Variants in FAM171A1 observed in about 807,000 individuals in gnomAD.
FAM171A1 encodes family with sequence similarity 171 member A1.
In FAM171A1, 23 loss-of-function variants were observed where a neutral mutation model predicts 74.9. That is an observed-to-expected ratio of 0.31 (90% CI 0.22 to 0.44). The LOEUF is 0.44. Among genes scored for constraint, FAM171A1 ranks in the 20% least tolerant of loss-of-function variants. The probability of loss-of-function intolerance (pLI) is 1.00; values close to 1 mark genes in which losing one functional copy is unlikely to be tolerated. For synonymous variants in FAM171A1, 527 were observed against 505.7 expected (o/e 1.04, Z -0.57); for missense variants, 1,162 against 1,159.2 (o/e 1.00, Z -0.03).
At chr10:15,276,982 T>A (rs1427633724) in intron 2 of FAM171A1, among the ~76,000 whole-genome samples, 1 of 152,184 alleles carries the variant, frequency 6.6e-6, no homozygotes, top group Non-Finnish European at 1.5e-5. Flanking sequence ...CCACTGCACC[T>A]AGCCAAGTTA....
At chr10:15,238,432 C>G (rs996195996) in intron 5 of FAM171A1, among the ~76,000 whole-genome samples, 1 of 152,126 alleles carries the variant, frequency 6.6e-6, no homozygotes, top group Non-Finnish European at 1.5e-5. Flanking sequence ...ACCCAAAGCT[C>G]ATCATTTCCA....
rs1834552988 is a variant in FAM171A1 at position 15,254,659 on chromosome 10, A to G, written c.577+62T>C. On this transcript the variant is annotated intron_variant, in intron 4 of 7. Transcript: ENST00000378116. Reference sequence around the variant, plus strand: ...TGCTAAAACTCCCAATCATACCTAAAATCCACATGTAAAGACTAAAACACA... The same window carrying G: ...TGCTAAAACTCCCAATCATACCTAAGATCCACATGTAAAGACTAAAACACA... 8 of 1,560,864 alleles carry G rather than the reference A, an allele frequency of 5.1e-6. No homozygotes were observed. In the Admixed American group the frequency reaches 7.3e-5, roughly 14 times the overall value.
intron 1 of FAM171A1, among the ~76,000 whole-genome samples, chr10:15,317,047 G>GAA (rs749421796): frequency 7.9e-6 from 1 of 127,230 alleles, no homozygotes. Flanking sequence ...TCCTCTGGGA[G>GAA]AAAAAAAAAA....
intron 3 of FAM171A1, among the ~76,000 whole-genome samples, chr10:15,265,707 G>A (rs1301359679): frequency 2.0e-5 from 3 of 150,090 alleles, no homozygotes; most frequent in Non-Finnish European, 3.0e-5. Flanking sequence ...ATTACTCATT[G>A]GGTGTCTACC....
intron 1 of FAM171A1, among the ~76,000 whole-genome samples, chr10:15,346,984 T>C (rs928590619): frequency 5.9e-5 from 9 of 152,172 alleles, no homozygotes; most frequent in African/African-American, 1.9e-4. Context: ...TATCTGGACA[T>C]GGTGCAAAAA....
chr10:15,227,960 T>C (rs1029810820), intron 5 of FAM171A1, among the ~76,000 whole-genome samples: 2 of 152,226 alleles, frequency 1.3e-5, no homozygotes, highest in African/African-American at 4.8e-5. Flanking sequence ...GCTTTCCTGC[T>C]TGGTTACCAA....
At chr10:15,354,101 T>C (rs1170782937) in intron 1 of FAM171A1, among the ~76,000 whole-genome samples, 1 of 152,184 alleles carries the variant, frequency 6.6e-6, no homozygotes, top group African/African-American at 2.4e-5. Context: ...AGCTAGTGAT[T>C]AGAGTGCAAC....
chr10:15,266,036 G>A (rs1408845360), intron 3 of FAM171A1, among the ~76,000 whole-genome samples: 1 of 152,218 alleles, frequency 6.6e-6, no homozygotes, highest in East Asian at 1.9e-4. Context: ...CTTGGCAGGA[G>A]TGAGTGGGTT....
At chr10:15,221,668 G>A (rs1325032919) in intron 5 of FAM171A1, among the ~76,000 whole-genome samples, 5 of 152,188 alleles carry the variant, frequency 3.3e-5, no homozygotes, top group African/African-American at 4.8e-5. Flanking sequence ...ACTTTAGCTA[G>A]CATTTGAAAG....
At chr10:15,216,139 T>C (rs1337974383) in intron 6 of FAM171A1, 29 bp from the exon 7 acceptor site, 12 of 1,405,812 alleles carry the variant, frequency 8.5e-6, no homozygotes, top group Non-Finnish European at 1.2e-5. Flanking sequence ...GCATTTAGAG[T>C]TTTGAACACC....
intron 1 of FAM171A1, among the ~76,000 whole-genome samples, chr10:15,345,143 G>A (rs1835804300): frequency 6.6e-6 from 1 of 152,238 alleles, no homozygotes; most frequent in Non-Finnish European, 1.5e-5. Context: ...GTGAGGGGAA[G>A]ACACACAGTA....
chr10:15,317,241 CAG>C (rs748599224), intron 1 of FAM171A1, among the ~76,000 whole-genome samples: 3 of 152,078 alleles, frequency 2.0e-5, no homozygotes, highest in Non-Finnish European at 4.4e-5. Flanking sequence ...GGGAGAGAGA[CAG>C]GGGTCGCATT....
intron 5 of FAM171A1, among the ~76,000 whole-genome samples, chr10:15,235,863 T>A (rs1834281579): frequency 6.6e-6 from 1 of 152,096 alleles, no homozygotes. Flanking sequence ...TGGGGAAACC[T>A]TGGATACCTG....
chr10:15,257,149 G>C (rs1834590809), intron 3 of FAM171A1, among the ~76,000 whole-genome samples: 1 of 152,156 alleles, frequency 6.6e-6, no homozygotes, highest in South Asian at 2.1e-4. Context: ...CAAAGAGGGA[G>C]CCTGTCCTCA....
At chr10:15,304,767 C>T (rs1835273725) in intron 1 of FAM171A1, among the ~76,000 whole-genome samples, 1 of 152,302 alleles carries the variant, frequency 6.6e-6, no homozygotes, top group Admixed American at 6.5e-5. Context: ...TTCAGAGTCT[C>T]GCTCTGTTGC....
chr10:15,343,601 G>A (rs55781191), intron 1 of FAM171A1, among the ~76,000 whole-genome samples: 3,238 of 152,254 alleles, frequency 0.021, 120 homozygotes, highest in African/African-American at 0.074. Context: ...TTAAGCAAAA[G>A]CACCCTAGAG....
intron 3 of FAM171A1, among the ~76,000 whole-genome samples, chr10:15,258,823 C>T (rs1441531586): frequency 6.6e-6 from 1 of 152,182 alleles, no homozygotes; most frequent in Non-Finnish European, 1.5e-5. Flanking sequence ...CAAGTCCTTC[C>T]TTTCTTGTCC....
At chr10:15,295,190 G>A (rs1171930372) in intron 1 of FAM171A1, among the ~76,000 whole-genome samples, 2 of 151,948 alleles carry the variant, frequency 1.3e-5, no homozygotes, top group African/African-American at 4.8e-5. Context: ...CACCTGCCTC[G>A]GCCTCCCAAA....
Position 15,212,621 on chromosome 10 carries a change from C to T in FAM171A1, c.*294G>A. The T allele has an allele frequency of 2.3e-6, 1 of 441,420 alleles. No homozygotes were observed. The highest frequency in any genetic ancestry group is 4.1e-6 in the Non-Finnish European group (1 of 246,142). The allele number at this position is 441,420 out of a possible 1,614,324, so 27.3% of individuals were successfully genotyped here. ...TGATCGTTAGAGCATAGCGACATCA[C>T]GTGCGGTTTCTTAATGTCCCTGGTG... is the stretch of plus-strand genomic sequence containing the variant. On this transcript the variant is annotated 3_prime_UTR_variant, in exon 8 of 8. Transcript: ENST00000378116.
Sources: allele counts gnomAD v4.1 joint callset (sites outside exome capture counted in the v4.1 genomes callset), GRCh38; gene constraint gnomAD v4.1.1; transcripts MANE v1.5; gene names NCBI Gene and HGNC (gene_info 2026-07-23, HGNC 2026-07-21).